ADARB2: variants seen among roughly 807,000 people sequenced by gnomAD.
ADARB2 encodes adenosine deaminase RNA specific B2 (inactive).
ADARB2 carries 25 observed loss-of-function variants against 62.2 expected under a neutral mutation model. The ratio of observed to expected loss-of-function variants is 0.40; its 90% CI spans 0.29 to 0.56. The LOEUF is 0.56. ADARB2 is among the 20% of genes least tolerant of loss of function. The pLI is 0.43. For missense variants in ADARB2, 1,071 were observed against 1,077.4 expected (o/e 0.99, Z 0.08); for synonymous variants, 572 against 500.8 (o/e 1.14, Z -1.90).
chr10:1,655,250 G>A (rs555987211), intron 1 of ADARB2, among the ~76,000 whole-genome samples: 5 of 152,180 alleles, frequency 3.3e-5, no homozygotes, highest in African/African-American at 1.2e-4. Context: ...TAGAACAGAG[G>A]GGGTGTTGAT....
intron 1 of ADARB2, among the ~76,000 whole-genome samples, chr10:1,483,921 G>T (rs1037391087): frequency 1.3e-5 from 2 of 152,112 alleles, no homozygotes; most frequent in East Asian, 3.9e-4. Flanking sequence ...CATGCGCCAG[G>T]GGATTTTTCT....
intron 7 of ADARB2, among the ~76,000 whole-genome samples, chr10:1,215,058 TGCAGGGGCGGGG>T (rs1837214813): frequency 9.7e-6 from 1 of 103,520 alleles, no homozygotes; most frequent in Non-Finnish European, 2.1e-5. Context: ...TGTAGGGGCC[TGCAGGGGCGGGG>T]GCAGGTGCGG....
At chr10:1,568,397 G>A (rs920290481) in intron 1 of ADARB2, among the ~76,000 whole-genome samples, 8 of 152,192 alleles carry the variant, frequency 5.3e-5, no homozygotes, top group African/African-American at 1.4e-4. Context: ...GTCCAGCTGC[G>A]GGGCCGTCTC....
intron 4 of ADARB2, among the ~76,000 whole-genome samples, chr10:1,263,516 C>G (rs1187056770): frequency 6.6e-6 from 1 of 152,124 alleles, no homozygotes; most frequent in African/African-American, 2.4e-5. Flanking sequence ...ATTTTCTTTT[C>G]CTGGTGAAGC....
chr10:1,302,268 G>T (rs1337141223), intron 3 of ADARB2, among the ~76,000 whole-genome samples: 4 of 152,324 alleles, frequency 2.6e-5, no homozygotes, highest in Non-Finnish European at 5.9e-5. Flanking sequence ...AGGGGTGACG[G>T]ACGGCACCTG....
At chr10:1,446,459 C>T (rs946353454) in intron 1 of ADARB2, among the ~76,000 whole-genome samples, 1 of 152,178 alleles carries the variant, frequency 6.6e-6, no homozygotes, top group African/African-American at 2.4e-5. Flanking sequence ...CTATTTTTCC[C>T]ACTTAACAAA....
At position 1,180,248 on chromosome 10, in the gene ADARB2, G is replaced by C. The variant is rs1054176621; in HGVS notation, c.*2945C>G. On this transcript the variant is annotated 3_prime_UTR_variant, in exon 10 of 10. Coordinates refer to ENST00000381312, the MANE Select transcript of ADARB2 (RefSeq NM_018702.4). ...TGGGGCTGTGGGAATCCTGGGACCC[G>C]GCCCCCCCAAGCATAGCTGGGGCTG... The C allele has an allele frequency of 6.6e-6, 1 of 151,912 alleles. No homozygotes were observed. The highest frequency in any genetic ancestry group is 2.4e-5 in the African/African-American group (1 of 41,330). The allele number at this position is 151,912 out of a possible 1,614,324, so 9.4% of individuals were successfully genotyped here. A position where few individuals can be genotyped will look rare whatever the true frequency, so the allele number is the denominator to read the frequency against.
rs546987259 is a variant in ADARB2 at position 1,591,672 on chromosome 10, C to T, written c.100+145379G>A. On this transcript the variant is annotated intron_variant, in intron 1 of 9. Transcript: ENST00000381312. Reference sequence around the variant, plus strand: ...AGAGGCGTGCACGCACACACACACACACACACGCACACACTCACCAGGACC... The same window carrying T: ...AGAGGCGTGCACGCACACACACACATACACACGCACACACTCACCAGGACC... Among the ~76,000 whole-genome samples the T allele has an allele frequency of 1.3e-5, 2 of 151,894 alleles. 1 individual carries two copies. The highest frequency in any genetic ancestry group is 4.2e-4 in the South Asian group (2 of 4,788).
intron 1 of ADARB2, among the ~76,000 whole-genome samples, chr10:1,545,818 G>A (rs930182469): frequency 3.9e-5 from 6 of 152,186 alleles, no homozygotes; most frequent in African/African-American, 1.4e-4. Context: ...TCTAGTGTTG[G>A]GAGCAGTCAG....
At position 1,272,065 on chromosome 10, in the gene ADARB2, C is replaced by A. The variant is rs150530467; in HGVS notation, c.1078-996G>T. 5.9e-5 allele frequency among the ~76,000 whole-genome samples: 9 copies of A among 152,348 alleles called. No homozygotes were observed. In the East Asian group the frequency reaches 1.7e-3, roughly 29 times the overall value. On this transcript the variant is annotated intron_variant, in intron 3 of 9. Transcript: ENST00000381312. Reference sequence around the variant, plus strand: ...TGCCCCACACTTGGTAGGAAGTGCTCAGAGATGACGGCTGTGACTATTACT... The same window carrying A: ...TGCCCCACACTTGGTAGGAAGTGCTAAGAGATGACGGCTGTGACTATTACT...
At chr10:1,443,617 A>G (rs1414813240) in intron 1 of ADARB2, among the ~76,000 whole-genome samples, 1 of 152,200 alleles carries the variant, frequency 6.6e-6, no homozygotes, top group Admixed American at 6.5e-5. Flanking sequence ...TTTTAAGACT[A>G]TTAAGACATT....
intron 1 of ADARB2, among the ~76,000 whole-genome samples, chr10:1,461,160 G>A (rs78160705): frequency 0.019 from 2,830 of 152,262 alleles, 56 homozygotes; most frequent in African/African-American, 0.045. Context: ...CAGCAACAAC[G>A]TGACACTTCG....
intron 7 of ADARB2, chr10:1,216,606 G>A (rs982852731): frequency 1.7e-5 from 5 of 296,584 alleles, no homozygotes; most frequent in Non-Finnish European, 2.6e-5. Flanking sequence ...CTGGCTTCTC[G>A]TTAGCCTATG....
chr10:1,631,383 C>A (rs1453994944), intron 1 of ADARB2, among the ~76,000 whole-genome samples: 1 of 152,270 alleles, frequency 6.6e-6, no homozygotes, highest in Non-Finnish European at 1.5e-5. Flanking sequence ...CCTCGGGTTC[C>A]ACTGTGAGGT....
intron 1 of ADARB2, among the ~76,000 whole-genome samples, chr10:1,563,419 A>G (rs1413304022): frequency 6.6e-6 from 1 of 152,054 alleles, no homozygotes; most frequent in African/African-American, 2.4e-5. Context: ...TCCTGCATCC[A>G]TCTCCCACAT....
intron 1 of ADARB2, among the ~76,000 whole-genome samples, chr10:1,641,643 G>A (rs749259416): frequency 6.6e-6 from 1 of 152,146 alleles, no homozygotes; most frequent in African/African-American, 2.4e-5. Flanking sequence ...CCATCTGCAC[G>A]TCTTACCAGC....
chr10:1,350,899 T>C (rs1174622090), intron 3 of ADARB2, among the ~76,000 whole-genome samples: 1 of 152,086 alleles, frequency 6.6e-6, no homozygotes, highest in Non-Finnish European at 1.5e-5. Context: ...TATTTCTGAG[T>C]TGCAATTCCT....
intron 8 of ADARB2, among the ~76,000 whole-genome samples, chr10:1,198,297 C>T (rs1280407311): frequency 1.3e-5 from 2 of 152,346 alleles, no homozygotes; most frequent in African/African-American, 2.4e-5. Context: ...TCTTCATCTT[C>T]TAAGGCAGTT....
At chr10:1,227,097 C>A (rs919290392) in intron 6 of ADARB2, among the ~76,000 whole-genome samples, 23 of 152,370 alleles carry the variant, frequency 1.5e-4, no homozygotes, top group African/African-American at 4.8e-4. Context: ...AAACAACTAA[C>A]TCGGCAATGG....
Sources: gnomAD v4.1 joint callset for allele counts (sites outside exome capture counted in the v4.1 genomes callset) on GRCh38, gnomAD v4.1.1 for gene constraint, MANE v1.5 for transcripts, NCBI Gene and HGNC (gene_info 2026-07-23, HGNC 2026-07-21) for gene names.